Variants in CUX2 observed in about 807,000 individuals in gnomAD.
CUX2 encodes homeobox protein cut-like 2.
Under a neutral mutation model 144.8 loss-of-function variants are expected in CUX2, and 40 were observed. The ratio of observed to expected loss-of-function variants is 0.28; its 90% confidence interval spans 0.21 to 0.36. CUX2 has a LOEUF of 0.36. Ranked by LOEUF, CUX2 falls within the 10% of genes least tolerant of loss-of-function variation. The probability of loss-of-function intolerance (pLI) is 1.00; values close to 1 mark genes in which losing one functional copy is unlikely to be tolerated. For synonymous variants in CUX2, 827 were observed against 875.6 expected, an observed-to-expected ratio of 0.94 and a Z score of 0.98; for missense variants, 1,615 against 1,994.0, an observed-to-expected ratio of 0.81 and a Z score of 3.62.
At chr12:111,105,148 G>A (rs919822305) in intron 1 of CUX2, among the ~76,000 whole-genome samples, 1 of 152,208 alleles carries the variant, frequency 6.6e-6, no homozygotes, top group African/African-American at 2.4e-5. Flanking sequence ...GCGCTGGGGT[G>A]AGCCCCGTTC....
intron 20 of CUX2, among the ~76,000 whole-genome samples, chr12:111,341,032 A>G (rs1310966792): frequency 6.6e-6 from 1 of 152,186 alleles, no homozygotes; most frequent in Non-Finnish European, 1.5e-5. Context: ...TGGCGAGCGT[A>G]CCCTTTCTAC....
Position 111,341,834 on chromosome 12 carries a change from C to G in CUX2, c.3440C>G (p.Pro1147Arg). The G allele has an allele frequency of 6.2e-7, 1 of 1,612,860 alleles. No homozygotes were observed. The highest frequency in any genetic ancestry group is 8.5e-7 in the Non-Finnish European group (1 of 1,179,856). ...LISTGSDSES[P>R]ATRSECPSPC... ...AGCACCGGCTCAGACAGTGAGTCCC[C>G]GGCCACCCGCTCAGAGTGCCCCAGC... Residue 1147 changes from proline (P) to arginine (R), a missense_variant, in exon 21 of 22, where the codon CCG becomes CGG. This residue lies in a region of CUX2 where 131 missense variants were observed against 223.1 expected (regional missense o/e 0.59). Coordinates refer to ENST00000261726, the MANE Select transcript of CUX2 (RefSeq NM_015267.4).
At chr12:111,194,529 C>T (rs1880115180) in intron 1 of CUX2, among the ~76,000 whole-genome samples, 1 of 152,220 alleles carries the variant, frequency 6.6e-6, no homozygotes, top group Non-Finnish European at 1.5e-5. Context: ...AGACTCCCGA[C>T]CCTGCTGGGC....
At chr12:111,140,699 G>A (rs999920688) in intron 1 of CUX2, among the ~76,000 whole-genome samples, 28 of 152,318 alleles carry the variant, frequency 1.8e-4, no homozygotes, top group African/African-American at 6.5e-4. Context: ...AGGGGTGGGG[G>A]AATGCGCAGC....
In CUX2 at chr12:111,310,349, C is replaced by T. The variant is rs1886830364; in HGVS notation, c.1567C>T (p.Pro523Ser). 10 of 1,559,192 alleles carry T rather than the reference C, an allele frequency of 6.4e-6. No homozygotes were observed. Among genetic ancestry groups the T allele is most frequent in the South Asian group, 1.2e-5 (1 of 84,858 alleles). ...GAKPPTAPAT[P>S]APGPEPLGGP... ...CAAGCCCCCCACAGCCCCTGCCACC[C>T]CGGCCCCTGGCCCTGAGCCACTGGG... is the stretch of plus-strand genomic sequence containing the variant. Residue 523 changes from proline to serine, a missense_variant, in exon 15 of 22, where the codon CCG (proline) becomes TCG (serine). Around this residue, in one of 12 missense-constraint regions of CUX2, gnomAD observed 154 missense variants for 148.4 expected, o/e 1.04. Coordinates refer to ENST00000261726, the MANE Select transcript of CUX2 (RefSeq NM_015267.4). The surrounding 1 kb of genome is among the most constrained non-coding windows in gnomAD (Gnocchi z 7.9).
At chr12:111,341,741 G>T (rs777648634) in intron 20 of CUX2, 39 bp from the exon 21 acceptor site, 113 of 1,534,600 alleles carry the variant, frequency 7.4e-5, no homozygotes, top group Non-Finnish European at 8.9e-5. Flanking sequence ...TTGGGATGGG[G>T]ACACCACCTC....
intron 1 of CUX2, among the ~76,000 whole-genome samples, chr12:111,066,758 T>G (rs1871037725): frequency 6.6e-6 from 1 of 152,190 alleles, no homozygotes; most frequent in Non-Finnish European, 1.5e-5. Flanking sequence ...GAGCTCTGGC[T>G]TTAAAATCCA....
intron 19 of CUX2, among the ~76,000 whole-genome samples, chr12:111,337,066 T>C (rs1888384888): frequency 6.6e-6 from 1 of 151,870 alleles, no homozygotes; most frequent in Non-Finnish European, 1.5e-5. Context: ...TCCCAGCCAC[T>C]CGGGAGGATA....
chr12:111,102,087 T>C lies in CUX2; in HGVS notation c.63+67847T>C, dbSNP rs75203421. On this transcript the variant is annotated intron_variant, in intron 1 of 21. Transcript: ENST00000261726. ...CACAATGTGTAACCCACTCTTTCTG[T>C]AGCCTTGCCCACTGTGTGCTGCTGT... is the stretch of plus-strand genomic sequence containing the variant. Among the ~76,000 whole-genome samples the C allele has an allele frequency of 9.8e-3, 1,490 of 152,320 alleles. 22 individuals are homozygous for C. The highest frequency in any genetic ancestry group is 0.034 in the African/African-American group (1,400 of 41,572).
chr12:111,271,255 A>T (rs1226611372), intron 4 of CUX2, among the ~76,000 whole-genome samples: 1 of 152,216 alleles, frequency 6.6e-6, no homozygotes, highest in Admixed American at 6.5e-5. Context: ...TAGCATATGC[A>T]TGCTGTCAAC....
At position 111,276,627 on chromosome 12, in the gene CUX2, T is replaced by TTTTG. The variant is rs548007873; in HGVS notation, c.301+12808_301+12811dup. Among the ~76,000 whole-genome samples, 42 of 151,206 alleles carry TTTTG rather than the reference T, an allele frequency of 2.8e-4. 1 individual carries two copies. The highest frequency in any genetic ancestry group is 3.7e-4 in the Non-Finnish European group (25 of 67,896). On this transcript the variant is annotated intron_variant, in intron 4 of 21. Transcript: ENST00000261726. Reference sequence around the variant, plus strand: ...GTGATAGCTCACGTAGTTGTTTCCTTTTTGTTTGTTTGTTTGTTTGTTTTG... The same window carrying TTTTG: ...GTGATAGCTCACGTAGTTGTTTCCTTTTTGTTTGTTTGTTTGTTTGTTTGTTTTG...
rs965367496 is a variant in CUX2 at position 111,034,801 on chromosome 12, C to A, written c.63+561C>A. ...GGCGGCTCCGCGCCCCGCCGCTCGC[C>A]GGCACCTCAGCCTTCGCCGCCCGCC... On this transcript the variant is annotated intron_variant, in intron 1 of 21. Coordinates refer to ENST00000261726, the MANE Select transcript of CUX2 (RefSeq NM_015267.4). The surrounding 1 kb of genome is among the most constrained non-coding windows in gnomAD (Gnocchi z 4.2). Among the ~76,000 whole-genome samples, 1 of 149,556 alleles carries A rather than the reference C, an allele frequency of 6.7e-6. No individual in the cohort carries two copies. Among genetic ancestry groups the A allele is most frequent in the African/African-American group, 2.4e-5 (1 of 41,150 alleles).
intron 1 of CUX2, among the ~76,000 whole-genome samples, chr12:111,196,795 A>G (rs1178870951): frequency 6.6e-6 from 1 of 152,238 alleles, no homozygotes; most frequent in African/African-American, 2.4e-5. Flanking sequence ...CTAAATTTAA[A>G]TAACTACAGG....
At chr12:111,308,720 T>C (rs1386389687) in intron 14 of CUX2, among the ~76,000 whole-genome samples, 194 bp downstream of exon 14, 2 of 152,106 alleles carry the variant, frequency 1.3e-5, no homozygotes, top group African/African-American at 4.8e-5. Flanking sequence ...ATCGTTGGGG[T>C]CACACAGCTG....
chr12:111,209,689 G>A (rs557765508), intron 1 of CUX2, among the ~76,000 whole-genome samples: 106 of 152,104 alleles, frequency 7.0e-4, no homozygotes, highest in African/African-American at 2.4e-3. Context: ...AGAGACAGGG[G>A]CTCTCACTAG....
chr12:111,249,687 C>T (rs1373969699), intron 3 of CUX2, among the ~76,000 whole-genome samples: 1 of 152,014 alleles, frequency 6.6e-6, no homozygotes, highest in Non-Finnish European at 1.5e-5. Context: ...AAACTCCTGA[C>T]CTCAGGTGAT....
At chr12:111,242,259 A>C (rs765672168) in intron 3 of CUX2, among the ~76,000 whole-genome samples, 19 of 152,250 alleles carry the variant, frequency 1.2e-4, no homozygotes, top group Non-Finnish European at 2.8e-4. Flanking sequence ...TTAAAGGTTG[A>C]GTGACTTTCC....
At chr12:111,236,401 G>C (rs957131184) in intron 3 of CUX2, among the ~76,000 whole-genome samples, 1 of 152,198 alleles carries the variant, frequency 6.6e-6, no homozygotes, top group Non-Finnish European at 1.5e-5. Flanking sequence ...AAGCCCCTGG[G>C]ATAGGGGTTA....
intron 18 of CUX2, among the ~76,000 whole-genome samples, chr12:111,333,036 C>T (rs1455659406): frequency 6.6e-6 from 1 of 152,054 alleles, no homozygotes; most frequent in Non-Finnish European, 1.5e-5. Flanking sequence ...GGTGGAACCC[C>T]GTCTCTACTA....
Sources: allele counts gnomAD v4.1 joint callset (sites outside exome capture counted in the v4.1 genomes callset), GRCh38; gene constraint gnomAD v4.1.1; regional missense constraint gnomAD v4.1.1; non-coding constraint Gnocchi (gnomAD v3.1); transcripts MANE v1.5; gene names NCBI Gene and HGNC (gene_info 2026-07-23, HGNC 2026-07-21).